Variants in CNTNAP2 observed in about 807,000 individuals in gnomAD.
CNTNAP2 encodes the protein contactin associated protein 2.
Under a neutral mutation model 155.2 loss-of-function variants are expected in CNTNAP2, and 98 were observed. The observed-to-expected ratio is 0.63, with a 90% CI of 0.54 to 0.75. The LOEUF is 0.75. Among genes scored for constraint, CNTNAP2 ranks in the 30% least tolerant of loss-of-function variants. The pLI is 0.00. For missense variants in CNTNAP2, 1,727 were observed against 1,688.1 expected, an observed-to-expected ratio of 1.02 and a Z score of -0.40; for synonymous variants, 651 against 631.2, an observed-to-expected ratio of 1.03 and a Z score of -0.47.
At chr7:146,981,948 G>A (rs974524822) in intron 3 of CNTNAP2, among the ~76,000 whole-genome samples, 5 of 152,192 alleles carry the variant, frequency 3.3e-5, no homozygotes, top group Non-Finnish European at 7.3e-5. Flanking sequence ...ATTACAGCAT[G>A]AAAGCAGACA....
intron 15 of CNTNAP2, among the ~76,000 whole-genome samples, chr7:148,102,181 C>T (rs1383211597): frequency 1.3e-5 from 2 of 152,178 alleles, no homozygotes; most frequent in Non-Finnish European, 2.9e-5. Flanking sequence ...TTCTTTGTGT[C>T]CCTGTGTTCT....
At chr7:146,946,631 CTG>C (rs1400965706) in intron 3 of CNTNAP2, among the ~76,000 whole-genome samples, 3 of 152,172 alleles carry the variant, frequency 2.0e-5, no homozygotes, top group Admixed American at 6.5e-5. Flanking sequence ...CAGTTTCAGT[CTG>C]TGAATTTAAA....
intron 10 of CNTNAP2, among the ~76,000 whole-genome samples, chr7:147,436,377 T>A (rs1331648861): frequency 6.6e-6 from 1 of 152,168 alleles, no homozygotes; most frequent in Non-Finnish European, 1.5e-5. Flanking sequence ...CAGTTAAAAA[T>A]TTTTAATTTG....
chr7:147,548,168 G>A (rs1046288842), intron 11 of CNTNAP2, among the ~76,000 whole-genome samples: 1 of 152,210 alleles, frequency 6.6e-6, no homozygotes, highest in South Asian at 2.1e-4. Flanking sequence ...CTAGATCCTT[G>A]AGGAATTGCC....
At position 147,162,609 on chromosome 7, in the gene CNTNAP2, G is replaced by A. The variant is rs555037587; in HGVS notation, c.1348+30100G>A. ...ACTTTATTTTCTTTGTTCCCACCCA[G>A]AAATCAAACCACAGAATTTAGGTTG... On this transcript the variant is annotated intron_variant, in intron 8 of 23. Coordinates refer to ENST00000361727, the MANE Select transcript of CNTNAP2 (RefSeq NM_014141.6). 2.0e-4 allele frequency among the ~76,000 whole-genome samples: 30 copies of A among 152,176 alleles called. No individual in the cohort carries two copies. The East Asian group carries it at 5.6e-3, about 29-fold the overall frequency.
intron 12 of CNTNAP2, among the ~76,000 whole-genome samples, chr7:147,624,808 A>G (rs1794939164): frequency 6.6e-6 from 1 of 152,174 alleles, no homozygotes; most frequent in South Asian, 2.1e-4. Flanking sequence ...CTTTACTCTC[A>G]TGTTTATTGC....
intron 15 of CNTNAP2, among the ~76,000 whole-genome samples, chr7:148,071,385 C>A (rs1396029009): frequency 6.6e-6 from 1 of 152,170 alleles, no homozygotes; most frequent in Non-Finnish European, 1.5e-5. Context: ...GAGGCTGAGG[C>A]AGGGGAATTG....
intron 1 of CNTNAP2, among the ~76,000 whole-genome samples, chr7:146,425,280 A>T (rs1796071796): frequency 6.6e-6 from 1 of 152,004 alleles, no homozygotes; most frequent in Admixed American, 6.6e-5. Context: ...GTGTTTTTTG[A>T]TGAGTATAAA....
In CNTNAP2 at chr7:147,769,395, A is replaced by C. The variant is rs150324399; in HGVS notation, c.2098+130089A>C. On this transcript the variant is annotated intron_variant, in intron 13 of 23. Coordinates refer to ENST00000361727, the MANE Select transcript of CNTNAP2 (RefSeq NM_014141.6). ...TCTGGAATAACTTTCTCACAAGAACACGGTGTAAATATCATTTTTCTTCTG... is the reference window on the plus strand; with the variant it reads ...TCTGGAATAACTTTCTCACAAGAACCCGGTGTAAATATCATTTTTCTTCTG... Among the ~76,000 whole-genome samples the C allele has an allele frequency of 6.1e-3, 933 of 152,304 alleles. 9 individuals are homozygous for C. The highest frequency in any genetic ancestry group is 0.021 in the African/African-American group (876 of 41,584).
chr7:146,969,706 T>A (rs982927818), intron 3 of CNTNAP2, among the ~76,000 whole-genome samples: 4 of 151,284 alleles, frequency 2.6e-5, no homozygotes, highest in African/African-American at 9.7e-5. Context: ...CTATGTGTGT[T>A]TACTTTAAAG....
intron 1 of CNTNAP2, among the ~76,000 whole-genome samples, chr7:146,205,893 A>G (rs1798939409): frequency 6.6e-6 from 1 of 151,888 alleles, no homozygotes; most frequent in Non-Finnish European, 1.5e-5. Context: ...TGTCTCTGGG[A>G]GAGCACAGCA....
At chr7:147,412,853 TAAG>T (rs910191169) in intron 10 of CNTNAP2, among the ~76,000 whole-genome samples, 30 of 152,250 alleles carry the variant, frequency 2.0e-4, no homozygotes, top group African/African-American at 6.3e-4. Context: ...ACAGCTGAAA[TAAG>T]AAGTTGCCCA....
chr7:147,761,060 T>A (rs1339456528), intron 13 of CNTNAP2, among the ~76,000 whole-genome samples: 1 of 152,172 alleles, frequency 6.6e-6, no homozygotes, highest in Non-Finnish European at 1.5e-5. Context: ...TTAATTTTCA[T>A]GAGATTCCCA....
At chr7:146,837,017 G>A (rs1474650950) in intron 2 of CNTNAP2, among the ~76,000 whole-genome samples, 5 of 151,848 alleles carry the variant, frequency 3.3e-5, no homozygotes, top group South Asian at 2.1e-4. Flanking sequence ...CTTTAGCATC[G>A]TCTTTCAGCA....
chr7:147,567,905 G>A lies in CNTNAP2; in HGVS notation c.1897+5648G>A, dbSNP rs1400430870. Among the ~76,000 whole-genome samples the A allele has an allele frequency of 2.6e-5, 4 of 152,092 alleles. No homozygotes were observed. In the East Asian group the frequency reaches 5.8e-4, roughly 22 times the overall value. On this transcript the variant is annotated intron_variant, in intron 12 of 23. Transcript: ENST00000361727. ...GTTGGAGACCAGCCTGACCAACATG[G>A]CGAAACCCCGTCTCTACTAAAAATA...
chr7:147,010,875 T>A (rs1798610442), intron 3 of CNTNAP2, among the ~76,000 whole-genome samples: 1 of 152,090 alleles, frequency 6.6e-6, no homozygotes, highest in Non-Finnish European at 1.5e-5. Flanking sequence ...CTTCTAAATG[T>A]ACCTCCCCCC....
intron 1 of CNTNAP2, among the ~76,000 whole-genome samples, chr7:146,434,910 G>T (rs777681538): frequency 6.6e-6 from 1 of 152,146 alleles, no homozygotes; most frequent in African/African-American, 2.4e-5. Context: ...ATTCAGGGCC[G>T]CTCTGCAGGG....
chr7:146,324,140 T>C (rs560460100), intron 1 of CNTNAP2, among the ~76,000 whole-genome samples: 1 of 152,256 alleles, frequency 6.6e-6, no homozygotes, highest in African/African-American at 2.4e-5. Flanking sequence ...TGGGTGCCTG[T>C]AATCCCAGGT....
intron 8 of CNTNAP2, among the ~76,000 whole-genome samples, chr7:147,174,899 C>A (rs921684611): frequency 1.3e-5 from 2 of 152,006 alleles, no homozygotes; most frequent in Non-Finnish European, 2.9e-5. Context: ...ATAGATCGCA[C>A]TATAAGAGAC....
Sources: gnomAD v4.1 joint callset for allele counts (sites outside exome capture counted in the v4.1 genomes callset) on GRCh38, gnomAD v4.1.1 for gene constraint, MANE v1.5 for transcripts, NCBI Gene and HGNC (gene_info 2026-07-23, HGNC 2026-07-21) for gene names.